Variants in HS3ST4 observed in about 807,000 individuals in gnomAD.
The protein encoded by HS3ST4 is heparan sulfate glucosamine 3-O-sulfotransferase 4.
In HS3ST4, 17 loss-of-function variants were observed where a neutral mutation model predicts 29.2. The observed-to-expected ratio is 0.58, with a 90% CI of 0.40 to 0.87. The LOEUF (loss-of-function observed/expected upper bound fraction) is 0.87, where lower values mean the gene tolerates loss of function less well. Ranked by LOEUF, HS3ST4 falls within the 40% of genes least tolerant of loss-of-function variation. The probability of loss-of-function intolerance (pLI) is 0.00; values close to 1 mark genes in which losing one functional copy is unlikely to be tolerated. For synonymous variants in HS3ST4, 314 were observed against 285.7 expected (o/e 1.10, Z -1.00); for missense variants, 627 against 634.5 (o/e 0.99, Z 0.13).
chr16:26,011,461 G>A (rs1596643862), intron 1 of HS3ST4, among the ~76,000 whole-genome samples: 1 of 152,312 alleles, frequency 6.6e-6, no homozygotes. Flanking sequence ...TCGGGAGGCT[G>A]AGACACTAGA....
At chr16:25,789,535 T>C (rs536047987) in intron 1 of HS3ST4, among the ~76,000 whole-genome samples, 6 of 151,544 alleles carry the variant, frequency 4.0e-5, no homozygotes, top group African/African-American at 1.5e-4. Context: ...CTCCTCCTCT[T>C]TTTTTCTTCT....
intron 1 of HS3ST4, among the ~76,000 whole-genome samples, chr16:26,093,253 G>C (rs543956349): frequency 6.6e-6 from 1 of 152,312 alleles, no homozygotes; most frequent in South Asian, 2.1e-4. Context: ...CCAACATGGC[G>C]TTTGAGCACT....
At chr16:25,945,917 G>C (rs1031999387) in intron 1 of HS3ST4, among the ~76,000 whole-genome samples, 1 of 152,114 alleles carries the variant, frequency 6.6e-6, no homozygotes, top group African/African-American at 2.4e-5. Context: ...TTACATGATT[G>C]ATAGATTCCC....
chr16:25,694,687 G>A (rs1196276179), intron 1 of HS3ST4, among the ~76,000 whole-genome samples: 1 of 152,112 alleles, frequency 6.6e-6, no homozygotes, highest in Non-Finnish European at 1.5e-5. Context: ...GTCTGGGAAG[G>A]TTTTAGTTGT....
chr16:25,937,669 G>A (rs4787787), intron 1 of HS3ST4, among the ~76,000 whole-genome samples: 151,983 of 152,272 alleles, frequency 1, 75,855 homozygotes, highest in Middle Eastern at 1. Flanking sequence ...TCCAGAGTAT[G>A]CTGTTTCATG....
intron 1 of HS3ST4, among the ~76,000 whole-genome samples, chr16:25,889,844 C>G (rs544904259): frequency 1.3e-3 from 198 of 152,138 alleles, no homozygotes; most frequent in Non-Finnish European, 2.4e-3. Flanking sequence ...CTGTGCTGTT[C>G]TCTGATAGTG....
At chr16:25,990,665 C>T (rs116845398) in intron 1 of HS3ST4, among the ~76,000 whole-genome samples, 17,473 of 152,090 alleles carry the variant, frequency 0.11, 1,149 homozygotes, top group South Asian at 0.17. Flanking sequence ...ATTATTATTC[C>T]CATTTTGCAG....
chr16:25,964,619 T>A (rs565914949), intron 1 of HS3ST4, among the ~76,000 whole-genome samples: 61 of 152,324 alleles, frequency 4.0e-4, no homozygotes, highest in Non-Finnish European at 7.1e-4. Context: ...AGCTGGGTTT[T>A]GATCCCAGAC....
At position 25,873,405 on chromosome 16, in the gene HS3ST4, T is replaced by C. The variant is rs150033861; in HGVS notation, c.734+180254T>C. On this transcript the variant is annotated intron_variant, in intron 1 of 1. Coordinates refer to ENST00000331351, the MANE Select transcript of HS3ST4 (RefSeq NM_006040.3). ...ATCCATCCATCCATCCATCCATCCA[T>C]CCATCCATCCACCCATCCATCCATT... Among the ~76,000 whole-genome samples, 270 of 84,698 alleles carry C rather than the reference T, an allele frequency of 3.2e-3. 1 individual carries two copies. The highest frequency in any genetic ancestry group is 0.011 in the African/African-American group (254 of 23,892). 55.6% of individuals were successfully genotyped at this position (84,698 alleles called of 152,430 possible).
At chr16:25,880,671 T>G (rs1967885353) in intron 1 of HS3ST4, among the ~76,000 whole-genome samples, 1 of 152,190 alleles carries the variant, frequency 6.6e-6, no homozygotes, top group Non-Finnish European at 1.5e-5. Context: ...ACTGCAACAG[T>G]GCATTAGACC....
intron 1 of HS3ST4, among the ~76,000 whole-genome samples, chr16:25,916,206 C>T (rs1310749316): frequency 6.6e-6 from 1 of 152,212 alleles, no homozygotes; most frequent in Non-Finnish European, 1.5e-5. Context: ...AAATCTAGAT[C>T]TGTCTGGCTC....
rs760801531 is a variant in HS3ST4, at chr16:26,135,891, G to C, written c.1014G>C (p.Leu338=). 39 of 1,613,872 alleles carry C rather than the reference G, an allele frequency of 2.4e-5. 1 individual carries two copies. The Admixed American group carries it at 3.2e-4, about 13-fold the overall frequency. The stretch of plus-strand genomic sequence containing the variant: ...CCATTCGAATAGGGATCTATGCGCT[G>C]CATCTGGAAAACTGGCTCCAGTATT... ...WSAIRIGIYA[L]HLENWLQYFP... is the part of the protein sequence containing the mutation. Residue 338 remains leucine, a synonymous_variant, in exon 2 of 2, where the codon CTG becomes CTC. Coordinates refer to ENST00000331351, the MANE Select transcript of HS3ST4 (RefSeq NM_006040.3).
At chr16:25,774,601 C>G (rs966940196) in intron 1 of HS3ST4, among the ~76,000 whole-genome samples, 1 of 152,218 alleles carries the variant, frequency 6.6e-6, no homozygotes, top group South Asian at 2.1e-4. Flanking sequence ...TATGTCTATA[C>G]TTCACTTTCC....
At chr16:25,781,876 C>G (rs141339341) in intron 1 of HS3ST4, among the ~76,000 whole-genome samples, 1,554 of 152,232 alleles carry the variant, frequency 0.01, 13 homozygotes, top group Non-Finnish European at 0.013. Flanking sequence ...TTGAGTGTTT[C>G]CTCCCTTCTT....
chr16:25,971,005 C>CA (rs1342041002), intron 1 of HS3ST4, among the ~76,000 whole-genome samples: 2 of 151,926 alleles, frequency 1.3e-5, no homozygotes, highest in Non-Finnish European at 2.9e-5. Context: ...TGTGTGTCAC[C>CA]ATGCCTGTCT....
At chr16:25,846,425 G>A (rs1967466452) in intron 1 of HS3ST4, among the ~76,000 whole-genome samples, 1 of 151,972 alleles carries the variant, frequency 6.6e-6, no homozygotes, top group Non-Finnish European at 1.5e-5. Flanking sequence ...TTCCAGCTAC[G>A]CAGGAGGCTA....
chr16:25,829,571 T>C (rs1329433319), intron 1 of HS3ST4, among the ~76,000 whole-genome samples: 1 of 152,052 alleles, frequency 6.6e-6, no homozygotes, highest in Non-Finnish European at 1.5e-5. Flanking sequence ...CTCCCTCCCC[T>C]TGCCCCGACC....
At chr16:25,910,592 G>A (rs1968228950) in intron 1 of HS3ST4, among the ~76,000 whole-genome samples, 2 of 151,776 alleles carry the variant, frequency 1.3e-5, no homozygotes, top group South Asian at 4.2e-4. Flanking sequence ...GCAGTGAGCC[G>A]AGATTGCCCT....
intron 1 of HS3ST4, among the ~76,000 whole-genome samples, chr16:26,012,321 G>C (rs1447060667): frequency 1.3e-5 from 2 of 152,192 alleles, no homozygotes; most frequent in African/African-American, 4.8e-5. Flanking sequence ...AAAAGAAAGG[G>C]AAGGTTTGTC....
Sources: gnomAD v4.1 joint callset for allele counts (sites outside exome capture counted in the v4.1 genomes callset) on GRCh38, gnomAD v4.1.1 for gene constraint, MANE v1.5 for transcripts, NCBI Gene and HGNC (gene_info 2026-07-23, HGNC 2026-07-21) for gene names.